SP1: variants seen among roughly 807,000 people sequenced by gnomAD.
SP1 encodes the protein transcription factor Sp1.
Under a neutral mutation model 66.3 loss-of-function variants are expected in SP1, and 6 were observed. The ratio of observed to expected loss-of-function variants is 0.09; its 90% CI spans 0.05 to 0.18. The LOEUF is 0.18. Among genes scored for constraint, SP1 ranks in the 10% least tolerant of loss-of-function variants. The probability of loss-of-function intolerance (pLI) is 1.00; values close to 1 mark genes in which losing one functional copy is unlikely to be tolerated. For synonymous variants in SP1, 417 were observed against 360.8 expected, an observed-to-expected ratio of 1.16 and a Z score of -1.77; for missense variants, 848 against 964.5, an observed-to-expected ratio of 0.88 and a Z score of 1.60.
intron 3 of SP1, among the ~76,000 whole-genome samples, chr12:53,405,483 C>T (rs1243245290): frequency 6.6e-6 from 1 of 152,018 alleles, no homozygotes; most frequent in Non-Finnish European, 1.5e-5. Context: ...GCCTGACCAA[C>T]ATGGTGAAAC....
At chr12:53,402,201 T>G (rs558721488) in intron 3 of SP1, among the ~76,000 whole-genome samples, 126 of 152,018 alleles carry the variant, frequency 8.3e-4, no homozygotes, top group African/African-American at 2.8e-3. Context: ...TAAATTTATT[T>G]TAGTGCCATA....
rs371235043 is a variant in SP1 at position 53,382,433 on chromosome 12, A to G, written c.486A>G (p.Thr162=). ...APNLQNQQVL[T]GLPGVMPNIQ... The stretch of plus-strand genomic sequence containing the variant: ...ACTTACAGAACCAGCAAGTTCTGAC[A>G]GGACTACCTGGAGTGATGCCTAATA... Residue 162 remains threonine (T), a synonymous_variant, in exon 3 of 6, where the codon ACA becomes ACG. Transcript: ENST00000327443. 151 of 1,614,220 alleles carry G rather than the reference A, an allele frequency of 9.4e-5. No homozygotes were observed. In the East Asian group the frequency reaches 1.3e-3, roughly 14 times the overall value.
chr12:53,384,367 C>T (rs995242924), intron 3 of SP1, among the ~76,000 whole-genome samples: 1 of 151,930 alleles, frequency 6.6e-6, no homozygotes, highest in African/African-American at 2.4e-5. Context: ...TCACTGCAAC[C>T]TCTGCCTCCC....
chr12:53,383,195 A>G lies in SP1; in HGVS notation c.1248A>G (p.Gln416=), dbSNP rs759775080. The change falls in exon 3 of 6, where the codon CAA becomes CAG. Residue 416 remains glutamine, a synonymous_variant. Coordinates refer to ENST00000327443, the MANE Select transcript of SP1 (RefSeq NM_138473.3). ...VQGGQALQAL[Q]AAPLSGQTFT... ...GGGGACAGGCCCTCCAGGCCCTCCA[A>G]GCAGCACCATTGTCAGGGCAGACCT... 9 of 1,614,080 alleles carry G rather than the reference A, an allele frequency of 5.6e-6. No individual in the cohort carries two copies. The Admixed American group carries it at 8.3e-5, about 15-fold the overall frequency.
Position 53,380,236 on chromosome 12 carries a change from G to GGGCCCCC in SP1, c.-56_-55insGGCCCCC. 1 of 1,023,204 alleles carries GGGCCCCC rather than the reference G, an allele frequency of 9.8e-7. No homozygotes were observed. Among genetic ancestry groups the GGGCCCCC allele is most frequent in the Admixed American group, 1.8e-5 (1 of 56,354 alleles). 63.4% of individuals were successfully genotyped at this position (1,023,204 alleles called of 1,614,324 possible). A position where few individuals can be genotyped will look rare whatever the true frequency, so the allele number is the denominator to read the frequency against. On this transcript the variant is annotated 5_prime_UTR_variant, in exon 1 of 6. Coordinates refer to ENST00000327443, the MANE Select transcript of SP1 (RefSeq NM_138473.3). ...CTCGTCAGCGTCCGCGTTTTTCCCG[G>GGGCCCCC]CCCCCCCCAACCCCCCCGGACAGGA...
At position 53,385,869 on chromosome 12, in the gene SP1, T is replaced by A. The variant is rs1240513007; in HGVS notation, c.1675+2247T>A. ...CAGAGCTTGGAGCGAGCCAAGATCG[T>A]GCCACTGCACTCCAGCCTGGGTGAC... On this transcript the variant is annotated intron_variant, in intron 3 of 5. Transcript: ENST00000327443. 2.8e-5 allele frequency among the ~76,000 whole-genome samples: 4 copies of A among 140,892 alleles called. No homozygotes were observed. The Admixed American group carries it at 2.9e-4, about 10-fold the overall frequency. 92.4% of individuals were successfully genotyped at this position (140,892 alleles called of 152,430 possible). A position where few individuals can be genotyped will look rare whatever the true frequency, so the allele number is the denominator to read the frequency against.
In SP1 at chr12:53,413,401, T is replaced by C. The variant is rs930671446; in HGVS notation, c.*2161T>C. 5.2e-5 allele frequency: 8 copies of C among 152,648 alleles called. No individual in the cohort carries two copies. The highest frequency in any genetic ancestry group is 2.0e-4 in the Admixed American group (3 of 15,306). 9.5% of individuals were successfully genotyped at this position (152,648 alleles called of 1,614,324 possible). ...AATAGATGATGGTATGATTCTATTATATATTTTATATAAAATCCATCCAAA... is the reference window on the plus strand; with the variant it reads ...AATAGATGATGGTATGATTCTATTACATATTTTATATAAAATCCATCCAAA... On this transcript the variant is annotated 3_prime_UTR_variant, in exon 6 of 6. Coordinates refer to ENST00000327443, the MANE Select transcript of SP1 (RefSeq NM_138473.3).
chr12:53,411,458 C>A lies in SP1; in HGVS notation c.*218C>A, dbSNP rs1938883626. The A allele has an allele frequency of 6.3e-6, 3 of 479,636 alleles. No individual in the cohort carries two copies. The highest frequency in any genetic ancestry group is 1.1e-5 in the Non-Finnish European group (3 of 273,156). 29.7% of individuals were successfully genotyped at this position (479,636 alleles called of 1,614,324 possible). On this transcript the variant is annotated 3_prime_UTR_variant, in exon 6 of 6. Coordinates refer to ENST00000327443, the MANE Select transcript of SP1 (RefSeq NM_138473.3). ...AAGGTGGGAAACATTAGTGAAAATT[C>A]TGTTGGTGCCACGCTTTGATGAGCA...
At chr12:53,399,763 A>G (rs1938568704) in intron 3 of SP1, among the ~76,000 whole-genome samples, 1 of 151,254 alleles carries the variant, frequency 6.6e-6, no homozygotes, top group African/African-American at 2.4e-5. Flanking sequence ...TCAGCCTCCC[A>G]AGCAGCTGGG....
chr12:53,380,605 C>T (rs989928188), intron 1 of SP1: 54 of 1,015,262 alleles, frequency 5.3e-5, no homozygotes, highest in African/African-American at 1.9e-4. Flanking sequence ...AGGCTCCTCC[C>T]GCCGGGGGCT....
intron 3 of SP1, among the ~76,000 whole-genome samples, chr12:53,405,004 TTTTTG>T (rs1938700382): frequency 6.6e-6 from 1 of 151,948 alleles, no homozygotes; most frequent in African/African-American, 2.4e-5. Flanking sequence ...CAGCTGATTT[TTTTTG>T]TTTTGTTTTT....
In SP1 at chr12:53,411,176, G is replaced by A. The variant is rs779108973; in HGVS notation, c.2294G>A (p.Ser765Asn). 2 of 1,614,048 alleles carry A rather than the reference G, an allele frequency of 1.2e-6. No homozygotes were observed. Among genetic ancestry groups the A allele is most frequent in the Admixed American group, 1.7e-5 (1 of 60,032 alleles). Reference protein sequence around the residue: ...CPEGIARLANSGINVMQVADL... With the variant: ...CPEGIARLANNGINVMQVADL... ...GAGGGCATTGCCCGTCTTGCCAACA[G>A]TGGCATCAACGTCATGCAGGTGGCA... The change falls in exon 6 of 6, where the codon AGT becomes AAT. Residue 765 changes from serine (S) to asparagine (N), a missense_variant. Ser to Asn is a conservative substitution (Grantham distance 46, BLOSUM62 1). Transcript: ENST00000327443.
intron 3 of SP1, among the ~76,000 whole-genome samples, chr12:53,393,661 G>A (rs1434405727): frequency 1.3e-5 from 2 of 149,860 alleles, no homozygotes; most frequent in African/African-American, 2.5e-5. Flanking sequence ...GCAATGGTGC[G>A]ATCTTGGCTC....
intron 3 of SP1, among the ~76,000 whole-genome samples, chr12:53,399,397 G>A (rs578135454): frequency 5.0e-4 from 76 of 151,968 alleles, no homozygotes; most frequent in African/African-American, 1.8e-3. Context: ...GCAGTGGCGC[G>A]ATCTCAGCTC....
At chr12:53,406,480 G>A in intron 3 of SP1, 105 bp from the exon 4 acceptor site, 1 of 930,524 alleles carries the variant, frequency 1.1e-6, no homozygotes, top group Non-Finnish European at 1.7e-6. Flanking sequence ...TGTGAATGTA[G>A]GATGTCAGTT....
chr12:53,392,208 C>T (rs2136900233), intron 3 of SP1, among the ~76,000 whole-genome samples: 1 of 152,242 alleles, frequency 6.6e-6, no homozygotes, highest in South Asian at 2.1e-4. Flanking sequence ...GAGACGGAGT[C>T]ACGCTCTTGT....
chr12:53,396,274 C>CAA (rs551946313), intron 3 of SP1, among the ~76,000 whole-genome samples: 1 of 102,074 alleles, frequency 9.8e-6, no homozygotes, highest in Non-Finnish European at 2.1e-5. Flanking sequence ...GACTCCGTCT[C>CAA]AAAAAAAAAA....
rs776482045 is a variant in SP1, at chr12:53,381,787, A to G, written c.136A>G (p.Ser46Gly). The G allele has an allele frequency of 6.2e-7, 1 of 1,614,084 alleles. No homozygotes were observed. The highest frequency in any genetic ancestry group is 1.1e-5 in the South Asian group (1 of 91,060). The change falls in exon 2 of 6, where the codon AGC becomes GGC. Residue 46 changes from serine to glycine, a missense_variant. By Grantham distance (56) the Ser-to-Gly change is moderately conservative. Coordinates refer to ENST00000327443, the MANE Select transcript of SP1 (RefSeq NM_138473.3). ...GGCTCGAAGTAGCAGCACAGGCAGT[A>G]GCAGCAGCACTGGAGGAGGAGGGCA... is the stretch of plus-strand genomic sequence containing the variant. Reference protein sequence around the residue: ...SQARSSSTGSSSSTGGGGQES... With the variant: ...SQARSSSTGSGSSTGGGGQES...
At chr12:53,402,802 T>TA (rs1206148527) in intron 3 of SP1, among the ~76,000 whole-genome samples, 1 of 151,742 alleles carries the variant, frequency 6.6e-6, no homozygotes, top group African/African-American at 2.4e-5. Context: ...CCGTCTCTAC[T>TA]AAAAAAGTAA....
Sources: gnomAD v4.1 joint callset for allele counts (sites outside exome capture counted in the v4.1 genomes callset) on GRCh38, gnomAD v4.1.1 for gene constraint, MANE v1.5 for transcripts, NCBI Gene and HGNC (gene_info 2026-07-23, HGNC 2026-07-21) for gene names.